The following MAP4K4 variants were observed in gnomAD, a reference collection of about 807,000 sequenced individuals.
MAP4K4 encodes HPK/GCK-like kinase HGK.
In MAP4K4, 38 loss-of-function variants were observed where a neutral mutation model predicts 189.6. The observed-to-expected ratio is 0.20, with a 90% CI of 0.15 to 0.26. The LOEUF is 0.26. Among genes scored for constraint, MAP4K4 ranks in the 10% least tolerant of loss-of-function variants. MAP4K4 has a pLI of 1.00. For missense variants in MAP4K4, 1,054 were observed against 1,726.9 expected (o/e 0.61, Z 6.91); for synonymous variants, 610 against 624.3 (o/e 0.98, Z 0.34).
At chr2:101,729,077 G>GAAA (rs70946662) in intron 2 of MAP4K4, among the ~76,000 whole-genome samples, 1,826 of 128,724 alleles carry the variant, frequency 0.014, 46 homozygotes, top group African/African-American at 0.044. Flanking sequence ...ATTAGAGAGA[G>GAAA]GAGAGAGAGA....
intron 2 of MAP4K4, among the ~76,000 whole-genome samples, chr2:101,750,576 G>A (rs1357975035): frequency 4.6e-5 from 7 of 150,564 alleles, no homozygotes; most frequent in Admixed American, 2.7e-4. Context: ...CGAGTTAGTG[G>A]GTGCAGCGCA....
rs565565564 is a variant in MAP4K4 at position 101,849,451 on chromosome 2, C to T, written c.1233+5140C>T. 1.1e-3 allele frequency among the ~76,000 whole-genome samples: 166 copies of T among 152,096 alleles called. 2 individuals are homozygous for T. The highest frequency in any genetic ancestry group is 6.8e-3 in the Middle Eastern group (2 of 294). ...GCCAAAAAGTTTTAATACTACTTTT[C>T]CTATTTAGAGCATCATCACATCTTT... On this transcript the variant is annotated intron_variant, in intron 12 of 32. Transcript: ENST00000324219.
chr2:101,729,588 A>G lies in MAP4K4; in HGVS notation c.123+31050A>G, dbSNP rs1180804932. 2.6e-5 allele frequency among the ~76,000 whole-genome samples: 4 copies of G among 152,216 alleles called. No homozygotes were observed. In the South Asian group the frequency reaches 8.3e-4, roughly 31 times the overall value. On this transcript the variant is annotated intron_variant, in intron 2 of 32. Coordinates refer to ENST00000324219, the Ensembl canonical transcript of MAP4K4. ...TAAAAAATACACTTTGAAACAACTG[A>G]ATAAACATTTATTTTGAAATGAGAT... is the stretch of plus-strand genomic sequence containing the variant.
At chr2:101,826,937 A>G (rs2096387026) in intron 5 of MAP4K4, among the ~76,000 whole-genome samples, 1 of 151,872 alleles carries the variant, frequency 6.6e-6, no homozygotes. Flanking sequence ...ACGCACCCAC[A>G]CCCCTACTTT....
chr2:101,722,217 C>T (rs1224343027), intron 2 of MAP4K4, among the ~76,000 whole-genome samples: 1 of 152,168 alleles, frequency 6.6e-6, no homozygotes, highest in Non-Finnish European at 1.5e-5. Flanking sequence ...AAGATTGATG[C>T]CTTTGCTGCA....
chr2:101,717,274 T>G lies in MAP4K4; in HGVS notation c.123+18736T>G, dbSNP rs77410909. ...AGCTGTCAGCGTGCGGCCTTCTCAT[T>G]GGTTGTTTAGGAGAGCAAACGAAGC... On this transcript the variant is annotated intron_variant, in intron 2 of 32. Coordinates refer to ENST00000324219, the Ensembl canonical transcript of MAP4K4. Among the ~76,000 whole-genome samples the G allele has an allele frequency of 9.2e-5, 14 of 152,266 alleles. No homozygotes were observed. The East Asian group carries it at 2.7e-3, about 29-fold the overall frequency.
At chr2:101,786,279 C>T (rs564099174) in intron 2 of MAP4K4, among the ~76,000 whole-genome samples, 1 of 152,076 alleles carries the variant, frequency 6.6e-6, no homozygotes, top group East Asian at 1.9e-4. Flanking sequence ...GATGGGTTTT[C>T]TAGTGTGATG....
At chr2:101,882,945 C>A (rs534636279) in intron 28 of MAP4K4, among the ~76,000 whole-genome samples, 5 of 152,322 alleles carry the variant, frequency 3.3e-5, no homozygotes, top group East Asian at 1.9e-4. Flanking sequence ...CAGTCTCCCC[C>A]ACGCTGTGCA....
chr2:101,714,278 A>G (rs1333032574), intron 2 of MAP4K4, among the ~76,000 whole-genome samples: 1 of 152,084 alleles, frequency 6.6e-6, no homozygotes, highest in Non-Finnish European at 1.5e-5. Flanking sequence ...ATTTTGTCCA[A>G]GCAACCTGTT....
chr2:101,780,250 A>C (rs1263251257), intron 2 of MAP4K4, among the ~76,000 whole-genome samples: 1 of 152,156 alleles, frequency 6.6e-6, no homozygotes, highest in African/African-American at 2.4e-5. Context: ...ATGGAATCTG[A>C]ATCCCTTTCA....
At chr2:101,774,052 ATTTCC>A (rs148346758) in intron 2 of MAP4K4, among the ~76,000 whole-genome samples, 10,029 of 152,174 alleles carry the variant, frequency 0.066, 411 homozygotes, top group African/African-American at 0.12. Flanking sequence ...TGATATACTG[ATTTCC>A]TTTCTTGTGT....
rs544559184 is a variant in MAP4K4, at chr2:101,816,091, T to A, written c.181-7837T>A. The stretch of plus-strand genomic sequence containing the variant: ...GGGCGCCGTTTGGGTTTCCTTTCCC[T>A]TTGCTGCAGCTTGGAGTCTTTCTCA... On this transcript the variant is annotated intron_variant, in intron 3 of 32. Coordinates refer to ENST00000324219, the Ensembl canonical transcript of MAP4K4. Among the ~76,000 whole-genome samples the A allele has an allele frequency of 3.3e-5, 5 of 152,308 alleles. No individual in the cohort carries two copies. The South Asian group carries it at 1.0e-3, about 32-fold the overall frequency.
At chr2:101,784,503 G>A (rs1180463133) in intron 2 of MAP4K4, among the ~76,000 whole-genome samples, 1 of 152,028 alleles carries the variant, frequency 6.6e-6, no homozygotes, top group African/African-American at 2.4e-5. Flanking sequence ...TTTTGTTTCA[G>A]ATTAAACTCA....
intron 7 of MAP4K4, among the ~76,000 whole-genome samples, chr2:101,834,200 C>G (rs1380555755): frequency 8.2e-6 from 1 of 121,746 alleles, no homozygotes; most frequent in Non-Finnish European, 1.8e-5. Flanking sequence ...TCCCCTCCCT[C>G]CATCCCTCCA....
rs1428723292 is a variant in MAP4K4 at position 101,735,003 on chromosome 2, C to T, written c.123+36465C>T. Reference sequence around the variant, plus strand: ...CATGAGCAGGGTGTTGTTCAGAAGACAATGAAAATGCACCAGACTGAAATT... The same window carrying T: ...CATGAGCAGGGTGTTGTTCAGAAGATAATGAAAATGCACCAGACTGAAATT... On this transcript the variant is annotated intron_variant, in intron 2 of 32. Transcript: ENST00000324219. Among the ~76,000 whole-genome samples the T allele has an allele frequency of 2.6e-5, 4 of 152,172 alleles. No individual in the cohort carries two copies. The East Asian group carries it at 7.7e-4, about 29-fold the overall frequency.
chr2:101,831,263 C>T (rs943109201), intron 6 of MAP4K4, among the ~76,000 whole-genome samples: 1 of 103,156 alleles, frequency 9.7e-6, no homozygotes, highest in Non-Finnish European at 1.8e-5. Context: ...TTATTTGATT[C>T]AGTACTGTGT....
intron 2 of MAP4K4, among the ~76,000 whole-genome samples, chr2:101,765,055 CA>C (rs1310174644): frequency 6.6e-6 from 1 of 151,852 alleles, no homozygotes; most frequent in African/African-American, 2.4e-5. Flanking sequence ...GATAAAGGAA[CA>C]AATTAACAAC....
chr2:101,782,827 C>T (rs967170031), intron 2 of MAP4K4, among the ~76,000 whole-genome samples: 1 of 152,154 alleles, frequency 6.6e-6, no homozygotes, highest in Non-Finnish European at 1.5e-5. Flanking sequence ...GTAATATGCT[C>T]TCCCACTTTG....
chr2:101,883,292 A>G (rs1431597658), intron 28 of MAP4K4, among the ~76,000 whole-genome samples: 1 of 152,228 alleles, frequency 6.6e-6, no homozygotes, highest in Non-Finnish European at 1.5e-5. Context: ...GGCATGAAGC[A>G]GTGATTCTCA....
Sources: gnomAD v4.1 joint callset for allele counts (sites outside exome capture counted in the v4.1 genomes callset) on GRCh38, gnomAD v4.1.1 for gene constraint, MANE v1.5 for transcripts, NCBI Gene and HGNC (gene_info 2026-07-23, HGNC 2026-07-21) for gene names.